The following SLC9C1 variants were observed in gnomAD, a reference collection of about 807,000 sequenced individuals.
The protein encoded by SLC9C1 is sodium/hydrogen exchanger 10.
Under a neutral mutation model 140.9 loss-of-function variants are expected in SLC9C1, and 97 were observed. The observed-to-expected ratio is 0.69, with a 90% confidence interval of 0.58 to 0.82. The LOEUF (loss-of-function observed/expected upper bound fraction) is 0.82, where lower values mean the gene tolerates loss of function less well. Among genes scored for constraint, SLC9C1 ranks in the 40% least tolerant of loss-of-function variants. The pLI, the probability that SLC9C1 is intolerant of heterozygous loss-of-function variation, is 0.00. For synonymous variants in SLC9C1, 440 were observed against 442.6 expected, an observed-to-expected ratio of 0.99 and a Z score of 0.07; for missense variants, 1,340 against 1,389.3, an observed-to-expected ratio of 0.96 and a Z score of 0.56.
intron 12 of SLC9C1, among the ~76,000 whole-genome samples, chr3:112,238,173 T>C (rs1163357734): frequency 6.6e-6 from 1 of 152,242 alleles, no homozygotes; most frequent in Non-Finnish European, 1.5e-5. Flanking sequence ...TTCTGTTTTC[T>C]CTAAACTTCT....
chr3:112,239,849 G>T lies in SLC9C1; in HGVS notation c.1437C>A (p.Asn479Lys), dbSNP rs1344605363. The T allele has an allele frequency of 1.2e-6, 2 of 1,610,918 alleles. No homozygotes were observed. The highest frequency in any genetic ancestry group is 2.2e-5 in the South Asian group (2 of 90,032). The change falls in exon 12 of 29, where the codon AAC becomes AAA. Residue 479 changes from asparagine to lysine, a missense_variant. Physicochemically the swap from Asn to Lys is moderately conservative, Grantham distance 94. Transcript: ENST00000305815. The stretch of plus-strand genomic sequence containing the variant: ...GATATTACTTGCTTACCATGTATGG[G>T]TTTTCAAGTGTAATTGCTTTCTCAA... ...NMIEKAITLE[N>K]PYMLNEEETT...
chr3:112,180,885 A>C (rs1359329224), intron 21 of SLC9C1, among the ~76,000 whole-genome samples: 1 of 152,118 alleles, frequency 6.6e-6, no homozygotes, highest in East Asian at 1.9e-4. Flanking sequence ...CCTCCTGAGT[A>C]GCTGGGATTA....
Position 112,169,051 on chromosome 3 carries a change from G to T in SLC9C1, c.3063C>A (p.Tyr1021Ter). The T allele has an allele frequency of 6.3e-7, 1 of 1,591,450 alleles. No individual in the cohort carries two copies. Among genetic ancestry groups the T allele is most frequent in the Non-Finnish European group, 8.5e-7 (1 of 1,172,082 alleles). Residue 1021 changes from tyrosine (Y) to a stop codon, truncating the protein, a stop_gained, in exon 25 of 29, where the codon TAC (tyrosine) becomes TAA (stop). Transcript: ENST00000305815. LOFTEE classifies it high-confidence loss of function. Reference sequence around the variant, plus strand: ...TATTAGAGAGCTTTAGTTGCATATTGTAGTTCCAATCCTGTTTTAGAAAAC... The same window carrying T: ...TATTAGAGAGCTTTAGTTGCATATTTTAGTTCCAATCCTGTTTTAGAAAAC... ...REHLSYEDWN[Y>*]NMQLKLSNIY... is the part of the protein sequence containing the mutation.
At chr3:112,206,459 G>C (rs1231856278) in intron 16 of SLC9C1, among the ~76,000 whole-genome samples, 7 of 152,082 alleles carry the variant, frequency 4.6e-5, no homozygotes, top group Non-Finnish European at 8.8e-5. Context: ...TCTAGAACTA[G>C]AAATACCATT....
chr3:112,288,205 A>C (rs1229494293), intron 1 of SLC9C1, among the ~76,000 whole-genome samples: 1 of 152,118 alleles, frequency 6.6e-6, no homozygotes, highest in Non-Finnish European at 1.5e-5. Flanking sequence ...TTATAAAACA[A>C]TATTTTGAAG....
chr3:112,192,073 T>G (rs1335452508), intron 20 of SLC9C1, among the ~76,000 whole-genome samples: 1 of 151,898 alleles, frequency 6.6e-6, no homozygotes, highest in Non-Finnish European at 1.5e-5. Context: ...CATTTTTTTT[T>G]TTACTGTGGT....
intron 6 of SLC9C1, among the ~76,000 whole-genome samples, chr3:112,273,645 A>G (rs2080137118): frequency 6.6e-6 from 1 of 152,154 alleles, no homozygotes; most frequent in African/African-American, 2.4e-5. Context: ...TAAGGCAGGA[A>G]TAGGAAAGAA....
rs75280225 is a variant in SLC9C1 at position 112,278,515 on chromosome 3, T to C, written c.318+214A>G. On this transcript the variant is annotated intron_variant, in intron 4 of 28. Coordinates refer to ENST00000305815, the MANE Select transcript of SLC9C1 (RefSeq NM_183061.3). ...GTTATGCAAGTCAGATTTTCAGAAT[T>C]ACTGTTTTCTTTCTAATTTTTCCCC... Among the ~76,000 whole-genome samples the C allele has an allele frequency of 2.6e-3, 391 of 152,294 alleles. 1 individual carries two copies. Among genetic ancestry groups the C allele is most frequent in the Middle Eastern group, 6.8e-3 (2 of 294 alleles).
intron 11 of SLC9C1, among the ~76,000 whole-genome samples, chr3:112,242,089 G>A (rs1198605320): frequency 6.6e-6 from 1 of 152,056 alleles, no homozygotes; most frequent in Non-Finnish European, 1.5e-5. Flanking sequence ...AACAAAAATT[G>A]ACAAGCAACA....
chr3:112,260,922 CT>C, intron 10 of SLC9C1, among the ~76,000 whole-genome samples: 1 of 151,998 alleles, frequency 6.6e-6, no homozygotes, highest in Non-Finnish European at 1.5e-5. Context: ...TCTGGTGCTC[CT>C]TTTTCTACAC....
At chr3:112,147,678 A>G (rs1049146535) in intron 28 of SLC9C1, among the ~76,000 whole-genome samples, 1 of 152,026 alleles carries the variant, frequency 6.6e-6, no homozygotes, top group Non-Finnish European at 1.5e-5. Context: ...TTCCCATTGT[A>G]TGTTATCTAC....
chr3:112,191,225 G>T (rs892081156), intron 20 of SLC9C1, among the ~76,000 whole-genome samples: 1 of 152,012 alleles, frequency 6.6e-6, no homozygotes, highest in Non-Finnish European at 1.5e-5. Flanking sequence ...CTGTGGTCAG[G>T]ACTTCCAGTA....
At chr3:112,259,220 T>A (rs371416334) in intron 10 of SLC9C1, among the ~76,000 whole-genome samples, 1 of 152,114 alleles carries the variant, frequency 6.6e-6, no homozygotes, top group African/African-American at 2.4e-5. Context: ...CTGCATGTTC[T>A]TACTTATAAG....
intron 26 of SLC9C1, among the ~76,000 whole-genome samples, chr3:112,166,880 T>G (rs1177142864): frequency 2.0e-5 from 3 of 152,186 alleles, no homozygotes; most frequent in Non-Finnish European, 2.9e-5. Context: ...CTAGTTCCAG[T>G]GATTTATGTT....
At chr3:112,242,286 G>A (rs1365195255) in intron 11 of SLC9C1, among the ~76,000 whole-genome samples, 4 of 152,056 alleles carry the variant, frequency 2.6e-5, no homozygotes, top group Non-Finnish European at 5.9e-5. Flanking sequence ...AAGGTTAAGT[G>A]TCCATCAACA....
chr3:112,157,001 T>C (rs2075143985), intron 26 of SLC9C1, among the ~76,000 whole-genome samples: 1 of 152,168 alleles, frequency 6.6e-6, no homozygotes, highest in Admixed American at 6.6e-5. Context: ...CTGTTTCCTT[T>C]GTTGTGCAGA....
chr3:112,217,452 C>G lies in SLC9C1; in HGVS notation c.1780G>C (p.Gly594Arg). ...TTCAAAAGCACTTACTTTGATGGGC[C>G]CTCTTTTTCCTTTCTGGTATTATAC... ...WVYNTRKEKE[G>R]PSKYFFFRIC... The change falls in exon 15 of 29, where the codon GGC becomes CGC. Residue 594 changes from glycine (G) to arginine (R), a missense_variant. Coordinates refer to ENST00000305815, the MANE Select transcript of SLC9C1 (RefSeq NM_183061.3). The G allele has an allele frequency of 3.2e-6, 5 of 1,585,654 alleles. No individual in the cohort carries two copies. The highest frequency in any genetic ancestry group is 4.3e-6 in the Non-Finnish European group (5 of 1,171,310).
rs1242641697 is a variant in SLC9C1 at position 112,274,930 on chromosome 3, G to C, written c.580C>G (p.Gln194Glu). Residue 194 changes from glutamine to glutamate, a missense_variant, in exon 6 of 29, where the codon CAA (glutamine) becomes GAA (glutamate). Transcript: ENST00000305815. ...TGGTTTCTTTTACTTTGTAGTCTTT[G>C]GTCAAAATCCATAATACTAGTAAAT... ...ITFTSIMDFDQRLQSKRNHTL... is the reference protein window; with the variant it reads ...ITFTSIMDFDERLQSKRNHTL... 1 of 1,562,922 alleles carries C rather than the reference G, an allele frequency of 6.4e-7. No individual in the cohort carries two copies. Among genetic ancestry groups the C allele is most frequent in the South Asian group, 1.2e-5 (1 of 80,530 alleles).
intron 8 of SLC9C1, among the ~76,000 whole-genome samples, chr3:112,265,207 G>A (rs375910866): frequency 3.3e-5 from 5 of 152,082 alleles, no homozygotes; most frequent in South Asian, 2.1e-4. Flanking sequence ...TACTAGGAAC[G>A]CAGGCAAGAA....
Sources: gnomAD v4.1 joint callset for allele counts (sites outside exome capture counted in the v4.1 genomes callset) on GRCh38, gnomAD v4.1.1 for gene constraint, MANE v1.5 for transcripts, NCBI Gene and HGNC (gene_info 2026-07-23, HGNC 2026-07-21) for gene names.